Variants in PCCA observed in about 807,000 individuals in gnomAD.
The protein encoded by PCCA is propionyl-CoA carboxylase subunit alpha.
PCCA carries 74 observed loss-of-function variants against 101.3 expected under a neutral mutation model. The observed-to-expected ratio is 0.73, with a 90% CI of 0.61 to 0.89. The LOEUF (loss-of-function observed/expected upper bound fraction) is 0.89, where lower values mean the gene tolerates loss of function less well. Ranked by LOEUF, PCCA falls within the 40% of genes least tolerant of loss-of-function variation. The pLI, the probability that PCCA is intolerant of heterozygous loss-of-function variation, is 0.00. For synonymous variants in PCCA, 294 were observed against 313.6 expected (o/e 0.94, Z 0.66); for missense variants, 891 against 907.0 (o/e 0.98, Z 0.23).
At chr13:100,261,488 C>G (rs898189177) in intron 9 of PCCA, among the ~76,000 whole-genome samples, 5 of 151,974 alleles carry the variant, frequency 3.3e-5, no homozygotes, top group African/African-American at 9.7e-5. Flanking sequence ...GCTTCAGTCT[C>G]CTGAGTAGCT....
chr13:100,231,629 G>C (rs1472118310), intron 7 of PCCA, among the ~76,000 whole-genome samples: 3 of 152,136 alleles, frequency 2.0e-5, no homozygotes, highest in African/African-American at 7.2e-5. Flanking sequence ...AAAATATGAA[G>C]TATGAAATTA....
At chr13:100,114,743 C>T (rs935479509) in intron 4 of PCCA, among the ~76,000 whole-genome samples, 6 of 152,120 alleles carry the variant, frequency 3.9e-5, no homozygotes, top group African/African-American at 1.4e-4. Flanking sequence ...AAAATCTTAC[C>T]CCGGTTAAAA....
intron 22 of PCCA, among the ~76,000 whole-genome samples, chr13:100,524,820 T>C (rs2087618449): frequency 6.6e-6 from 1 of 152,106 alleles, no homozygotes; most frequent in South Asian, 2.1e-4. Flanking sequence ...TGCAGTGAGC[T>C]GAGATTGTGC....
At chr13:100,507,014 T>C (rs1303634549) in intron 21 of PCCA, among the ~76,000 whole-genome samples, 1 of 152,166 alleles carries the variant, frequency 6.6e-6, no homozygotes, top group East Asian at 1.9e-4. Flanking sequence ...CATAAAACAA[T>C]TCGAGATACA....
intron 20 of PCCA, among the ~76,000 whole-genome samples, chr13:100,447,211 C>T (rs1455154018): frequency 5.9e-5 from 9 of 151,824 alleles, no homozygotes; most frequent in African/African-American, 2.2e-4. Context: ...GGCAAAACCC[C>T]ATCTCTACTA....
chr13:100,464,175 T>G (rs1214180402), intron 21 of PCCA, among the ~76,000 whole-genome samples: 1 of 152,168 alleles, frequency 6.6e-6, no homozygotes, highest in African/African-American at 2.4e-5. Flanking sequence ...AAGTTATGTG[T>G]TCACAGGAAA....
intron 20 of PCCA, among the ~76,000 whole-genome samples, chr13:100,429,314 A>G (rs865905311): frequency 2.0e-4 from 30 of 151,826 alleles, no homozygotes; most frequent in African/African-American, 6.0e-4. Context: ...ACGAAATGCA[A>G]TTATAAGTGT....
chr13:100,471,240 A>C (rs1480487987), intron 21 of PCCA, among the ~76,000 whole-genome samples: 1 of 152,324 alleles, frequency 6.6e-6, no homozygotes, highest in East Asian at 1.9e-4. Flanking sequence ...CAGAACACAC[A>C]CAACGTTTAT....
At chr13:100,236,836 T>C (rs1233337073) in intron 8 of PCCA, 1 of 152,196 alleles carries the variant, frequency 6.6e-6, no homozygotes, top group Non-Finnish European at 1.5e-5. Context: ...TGAGAAAATG[T>C]GTAAGGGCAT....
chr13:100,509,974 C>T (rs550846046), intron 21 of PCCA, among the ~76,000 whole-genome samples: 88 of 152,130 alleles, frequency 5.8e-4, no homozygotes, highest in African/African-American at 1.9e-3. Flanking sequence ...ACCCATGAGC[C>T]GAAAACCCAG....
At chr13:100,324,503 T>C (rs1190744666) in intron 16 of PCCA, among the ~76,000 whole-genome samples, 1 of 152,204 alleles carries the variant, frequency 6.6e-6, no homozygotes, top group African/African-American at 2.4e-5. Flanking sequence ...GAAAAAGGTA[T>C]GTCATGAATA....
intron 7 of PCCA, among the ~76,000 whole-genome samples, chr13:100,224,752 A>G (rs149618655): frequency 6.6e-6 from 1 of 152,196 alleles, no homozygotes. Flanking sequence ...GCTAAGTGAA[A>G]CCTCAAGTCT....
At chr13:100,156,443 C>A (rs2053898932) in intron 5 of PCCA, among the ~76,000 whole-genome samples, 1 of 152,166 alleles carries the variant, frequency 6.6e-6, no homozygotes, top group South Asian at 2.1e-4. Context: ...AAATTTGACT[C>A]TCTTTTTAGC....
chr13:100,271,208 G>T (rs1191062276), intron 11 of PCCA, among the ~76,000 whole-genome samples: 4 of 151,822 alleles, frequency 2.6e-5, no homozygotes, highest in Non-Finnish European at 5.9e-5. Context: ...GTTAGTTGGG[G>T]TTTTTTTTAG....
chr13:100,309,893 A>G lies in PCCA; in HGVS notation c.1414A>G (p.Asn472Asp). 1.2e-6 allele frequency: 2 copies of G among 1,611,854 alleles called. No individual in the cohort carries two copies. The highest frequency in any genetic ancestry group is 1.7e-6 in the Non-Finnish European group (2 of 1,178,012). Reference protein sequence around the residue: ...ALKRMADALDNYVIRGVTHNI... With the variant: ...ALKRMADALDDYVIRGVTHNI... ...GAAGAGAATGGCAGATGCACTGGAT[A>G]ACTATGTTATTCGAGGTAAAAACAA... is the stretch of plus-strand genomic sequence containing the variant. The change falls in exon 16 of 24, where the codon AAC becomes GAC. Residue 472 changes from asparagine to aspartate, a missense_variant. Coordinates refer to ENST00000376285, the MANE Select transcript of PCCA (RefSeq NM_000282.4).
intron 4 of PCCA, among the ~76,000 whole-genome samples, chr13:100,132,321 G>GAGTCATTACCCCTCAGACTCCCTTGTC (rs1555353088): frequency 2.0e-5 from 3 of 151,932 alleles, no homozygotes; most frequent in African/African-American, 7.3e-5. Flanking sequence ...ACTCCCTTGT[G>GAGTCATTACCCCTCAGACTCCCTTGTC]TATCCCATTA....
intron 21 of PCCA, among the ~76,000 whole-genome samples, chr13:100,493,948 T>G (rs2085088950): frequency 6.6e-6 from 1 of 152,136 alleles, no homozygotes; most frequent in Middle Eastern, 3.2e-3. Context: ...CTCAGCACTT[T>G]GGGAGGCCGA....
chr13:100,360,931 T>G (rs1036050826), intron 18 of PCCA, among the ~76,000 whole-genome samples: 1 of 152,188 alleles, frequency 6.6e-6, no homozygotes, highest in Non-Finnish European at 1.5e-5. Flanking sequence ...GTGGATAAAC[T>G]GGTATGTCCG....
intron 7 of PCCA, among the ~76,000 whole-genome samples, chr13:100,217,937 G>A (rs976811736): frequency 4.6e-5 from 7 of 150,862 alleles, no homozygotes; most frequent in Non-Finnish European, 8.9e-5. Flanking sequence ...TAAGCTGGGC[G>A]TGGTGGCAGG....
Sources: gnomAD v4.1 joint callset for allele counts (sites outside exome capture counted in the v4.1 genomes callset) on GRCh38, gnomAD v4.1.1 for gene constraint, MANE v1.5 for transcripts, NCBI Gene and HGNC (gene_info 2026-07-23, HGNC 2026-07-21) for gene names.